Variants in MSANTD2 observed in about 807,000 individuals in gnomAD.
MSANTD2 encodes myb/SANT-like DNA-binding domain-containing protein 2.
A neutral mutation model predicts 52.6 loss-of-function variants in MSANTD2; 19 were observed. That is an observed-to-expected ratio of 0.36 (90% confidence interval 0.25 to 0.53). The LOEUF (loss-of-function observed/expected upper bound fraction) is 0.53. MSANTD2 is among the 20% of genes least tolerant of loss of function. The pLI, the probability that MSANTD2 is intolerant of heterozygous loss-of-function variation, is 0.91. For missense variants in MSANTD2, 558 were observed against 716.3 expected, an observed-to-expected ratio of 0.78 and a Z score of 2.52; for synonymous variants, 291 against 289.7, an observed-to-expected ratio of 1.00 and a Z score of -0.04.
At chr11:124,787,764 T>C (rs896396501) in intron 1 of MSANTD2, among the ~76,000 whole-genome samples, 1 of 152,334 alleles carries the variant, frequency 6.6e-6, no homozygotes, top group Middle Eastern at 3.4e-3. Flanking sequence ...CTGGCTATAC[T>C]GCCATAGCTT....
chr11:124,772,740 C>T (rs1282172761), intron 3 of MSANTD2, among the ~76,000 whole-genome samples: 2 of 67,774 alleles, frequency 3.0e-5, no homozygotes, highest in Non-Finnish European at 4.9e-5. Flanking sequence ...GAGATTCCGT[C>T]TCAAAAAAAA....
Position 124,767,713 on chromosome 11 carries a change from G to C in MSANTD2, c.1143C>G (p.Ser381Arg). ...VYYKFLEITISEARCLELHME... is the reference protein window; with the variant it reads ...VYYKFLEITIREARCLELHME... ...TGTGCAGCTCCAAGCACCTAGCTTCGCTAATAGTGATCTCTAAAAATTTGT... is the reference window on the plus strand; with the variant it reads ...TGTGCAGCTCCAAGCACCTAGCTTCCCTAATAGTGATCTCTAAAAATTTGT... Residue 381 changes from serine to arginine, a missense_variant, in exon 4 of 4, where the codon AGC becomes AGG. Physicochemically the swap from Ser to Arg is moderately radical, Grantham distance 110. Coordinates refer to ENST00000374979, the MANE Select transcript of MSANTD2 (RefSeq NM_001308027.2). This position sits in a 1 kb window ranked among gnomAD's most constrained non-coding sequence, Gnocchi z 6.5. 6.2e-7 allele frequency: 1 copy of C among 1,614,202 alleles called. No homozygotes were observed. Among genetic ancestry groups the C allele is most frequent in the Non-Finnish European group, 8.5e-7 (1 of 1,180,034 alleles).
intron 1 of MSANTD2, chr11:124,790,534 A>T (rs1945297803): frequency 6.6e-6 from 1 of 152,238 alleles, no homozygotes; most frequent in African/African-American, 2.4e-5. Context: ...TATGAAATTT[A>T]TTCTTGTGTC....
chr11:124,793,443 ACATGGGT>A (rs1402480577), intron 1 of MSANTD2, among the ~76,000 whole-genome samples: 7 of 152,232 alleles, frequency 4.6e-5, no homozygotes, highest in Non-Finnish European at 8.8e-5. Context: ...TCCAGAGGAT[ACATGGGT>A]TTCAAAGCCT....
chr11:124,800,024 C>T lies in MSANTD2; in HGVS notation c.357G>A (p.Glu119=). The change falls in exon 1 of 4, where the codon GAG becomes GAA. Residue 119 remains glutamate (E), a synonymous_variant. Coordinates refer to ENST00000374979, the MANE Select transcript of MSANTD2 (RefSeq NM_001308027.2). The surrounding 1 kb of genome is among the most constrained non-coding windows in gnomAD (Gnocchi z 4.3). The part of the protein sequence containing the change: ...TNALIAVWGN[E]RLVEARYQQL... ...GCTGGTACCGCGCCTCCACCAGCCG[C>T]TCGTTGCCCCACACTGCGATGAGCG... The T allele has an allele frequency of 1.3e-6, 2 of 1,583,360 alleles. No homozygotes were observed.
Position 124,774,481 on chromosome 11 carries a change from C to G in MSANTD2, c.766+238G>C, listed in dbSNP as rs1021340684. 7.2e-5 allele frequency among the ~76,000 whole-genome samples: 11 copies of G among 152,158 alleles called. No homozygotes were observed. The highest frequency in any genetic ancestry group is 2.9e-5 in the Non-Finnish European group (2 of 68,024). On this transcript the variant is annotated intron_variant, in intron 2 of 3. Transcript: ENST00000374979. This position sits in a 1 kb window ranked among gnomAD's most constrained non-coding sequence, Gnocchi z 5.1. ...GCTGGTAAACAACTTGCCAAATGAA[C>G]AACACCAAGCACCAGTTGGCAGTTT...
At chr11:124,772,597 C>T (rs889043057) in intron 3 of MSANTD2, among the ~76,000 whole-genome samples, 1 of 151,904 alleles carries the variant, frequency 6.6e-6, no homozygotes, top group African/African-American at 2.4e-5. Context: ...ATTAGCCGGG[C>T]GTGGTGGCGG....
At chr11:124,785,627 C>T (rs921846273) in intron 1 of MSANTD2, among the ~76,000 whole-genome samples, 1 of 152,118 alleles carries the variant, frequency 6.6e-6, no homozygotes, top group Non-Finnish European at 1.5e-5. Flanking sequence ...GAGACAGTTG[C>T]CTTGGGCAGA....
intron 1 of MSANTD2, among the ~76,000 whole-genome samples, chr11:124,786,809 G>A (rs1037926677): frequency 3.3e-5 from 5 of 152,060 alleles, no homozygotes; most frequent in Admixed American, 2.6e-4. Context: ...TATGATTTTG[G>A]TATCGTATTT....
Position 124,774,105 on chromosome 11 carries a change from A to C in MSANTD2, c.766+614T>G, listed in dbSNP as rs1944647937. On this transcript the variant is annotated intron_variant, in intron 2 of 3. Transcript: ENST00000374979. The surrounding 1 kb of genome is among the most constrained non-coding windows in gnomAD (Gnocchi z 5.1). ...ATTTTTAATGCCTATGACTGTATAAATAATTCCAGCTACTGTTGGGATGCG... is the reference window on the plus strand; with the variant it reads ...ATTTTTAATGCCTATGACTGTATAACTAATTCCAGCTACTGTTGGGATGCG... 6.6e-6 allele frequency among the ~76,000 whole-genome samples: 1 copy of C among 152,252 alleles called. No homozygotes were observed. The highest frequency in any genetic ancestry group is 6.5e-5 in the Admixed American group (1 of 15,290).
At chr11:124,798,234 TAAAAA>T (rs10601418) in intron 1 of MSANTD2, among the ~76,000 whole-genome samples, 2 of 110,504 alleles carry the variant, frequency 1.8e-5, no homozygotes, top group East Asian at 2.7e-4. Flanking sequence ...CCCTGTCTCT[TAAAAA>T]AAAAAAAAAA....
chr11:124,791,293 T>C (rs1591473519), intron 1 of MSANTD2: 2 of 1,450,202 alleles, frequency 1.4e-6, no homozygotes, highest in Non-Finnish European at 1.9e-6. Context: ...CTCCTAGAAC[T>C]GTCCCTGTGG....
chr11:124,782,053 C>T (rs1944994435), intron 1 of MSANTD2, among the ~76,000 whole-genome samples: 1 of 152,196 alleles, frequency 6.6e-6, no homozygotes, highest in African/African-American at 2.4e-5. Flanking sequence ...ATATCACTGT[C>T]TTTGGCAAAT....
Position 124,800,336 on chromosome 11 carries a change from T to C in MSANTD2, c.45A>G (p.Leu15=). 1 of 1,557,232 alleles carries C rather than the reference T, an allele frequency of 6.4e-7. No homozygotes were observed. The highest frequency in any genetic ancestry group is 8.7e-7 in the Non-Finnish European group (1 of 1,154,148). ...CGSELPANSP[L]KIPKMEVLSP... The stretch of plus-strand genomic sequence containing the variant: ...AAAGCACCTCCATCTTCGGAATTTT[T>C]AGCGGCGAGTTGGCGGGCAGCTCCG... The change falls in exon 1 of 4, where the codon CTA becomes CTG. Residue 15 remains leucine (L), a synonymous_variant. Transcript: ENST00000374979. This position sits in a 1 kb window ranked among gnomAD's most constrained non-coding sequence, Gnocchi z 4.3.
chr11:124,795,275 T>G (rs1033857481), intron 1 of MSANTD2, among the ~76,000 whole-genome samples: 3 of 152,206 alleles, frequency 2.0e-5, no homozygotes, highest in Non-Finnish European at 4.4e-5. Context: ...CATTTCATCT[T>G]GAGGCACAGC....
chr11:124,767,761 T>C lies in MSANTD2; in HGVS notation c.1095A>G (p.Lys365=), dbSNP rs1367619881. 6.2e-7 allele frequency: 1 copy of C among 1,614,136 alleles called. No homozygotes were observed. The highest frequency in any genetic ancestry group is 2.2e-5 in the East Asian group (1 of 44,904). Residue 365 remains lysine (K), a synonymous_variant, in exon 4 of 4, where the codon AAA becomes AAG. Coordinates refer to ENST00000374979, the MANE Select transcript of MSANTD2 (RefSeq NM_001308027.2). This position sits in a 1 kb window ranked among gnomAD's most constrained non-coding sequence, Gnocchi z 6.5. ...TGTAGTAAACATTTTTCCAGTTCAT[T>C]TTCTGCACTCGGGTCATAATGATCC... ...EGRIIMTRVQ[K]MNWKNVYYKF...
chr11:124,797,266 C>T (rs1363252389), intron 1 of MSANTD2, among the ~76,000 whole-genome samples: 1 of 152,194 alleles, frequency 6.6e-6, no homozygotes, highest in Non-Finnish European at 1.5e-5. Flanking sequence ...AGGCGGATCG[C>T]TTGATTCTAG....
intron 1 of MSANTD2, among the ~76,000 whole-genome samples, chr11:124,794,111 A>AGGT (rs1945419037): frequency 6.6e-6 from 1 of 152,210 alleles, no homozygotes; most frequent in Non-Finnish European, 1.5e-5. Context: ...ATCATACTGA[A>AGGT]CTGAGGTAGA....
chr11:124,784,219 C>T lies in MSANTD2; in HGVS notation c.511-9245G>A, dbSNP rs538502086. On this transcript the variant is annotated intron_variant, in intron 1 of 3. Coordinates refer to ENST00000374979, the MANE Select transcript of MSANTD2 (RefSeq NM_001308027.2). ...GGGATTAGAGGCTATTTTCATTTGA[C>T]CTCCTACATCACCTCTGAAGTTGCT... 31 of 985,266 alleles carry T rather than the reference C, an allele frequency of 3.1e-5. No homozygotes were observed. The South Asian group carries it at 1.3e-3, about 40-fold the overall frequency. The allele number at this position is 985,266 out of a possible 1,614,324, so 61.0% of individuals were successfully genotyped here.
Sources: gnomAD v4.1 joint callset for allele counts (sites outside exome capture counted in the v4.1 genomes callset) on GRCh38, gnomAD v4.1.1 for gene constraint, Gnocchi (gnomAD v3.1) non-coding constraint, MANE v1.5 for transcripts, NCBI Gene and HGNC (gene_info 2026-07-23, HGNC 2026-07-21) for gene names.